BAIAP2: variants seen among roughly 807,000 people sequenced by gnomAD.
BAIAP2 encodes BAR/IMD domain containing adaptor protein 2.
BAIAP2 carries 18 observed loss-of-function variants against 63.0 expected under a neutral mutation model. The ratio of observed to expected loss-of-function variants is 0.29; its 90% confidence interval spans 0.20 to 0.42. The LOEUF is 0.42. Ranked by LOEUF, BAIAP2 falls within the 10% of genes least tolerant of loss-of-function variation. BAIAP2 has a pLI of 1.00. For missense variants in BAIAP2, 610 were observed against 734.3 expected, an observed-to-expected ratio of 0.83 and a Z score of 1.96; for synonymous variants, 386 against 307.6, an observed-to-expected ratio of 1.25 and a Z score of -2.67.
At chr17:81,105,879 G>A in intron 10 of BAIAP2, 199 bp from the exon 11 acceptor site, 1 of 548,110 alleles carries the variant, frequency 1.8e-6, no homozygotes, top group South Asian at 2.0e-5. Flanking sequence ...GGACAGCCCG[G>A]GCCACCTTGC....
intron 1 of BAIAP2, 105 bp from the exon 2 acceptor site, chr17:81,053,563 C>T: frequency 1.6e-6 from 2 of 1,259,788 alleles, no homozygotes; most frequent in East Asian, 4.7e-5. Context: ...GTGTCGACCC[C>T]CAGGAGGGGT....
chr17:81,053,167 C>T (rs768285356), intron 1 of BAIAP2, among the ~76,000 whole-genome samples: 11 of 152,148 alleles, frequency 7.2e-5, no homozygotes, highest in Non-Finnish European at 1.3e-4. Context: ...TTATTCATAG[C>T]ACGGCATCTG....
chr17:81,106,793 C>CGACCT lies in BAIAP2; in HGVS notation c.1388_1392dup (p.Ala465ThrfsTer48). On this transcript the variant is annotated frameshift_variant, in exon 12 of 14. Coordinates refer to ENST00000428708, the MANE Select transcript of BAIAP2 (RefSeq NM_001144888.2). LOFTEE classifies it high-confidence loss of function. The stretch of plus-strand genomic sequence containing the variant: ...GCACGGGCAACCTCCTGGACAAGGA[C>CGACCT]GACCTGGCCATCCCACCCCCCGATT... 1 of 1,612,560 alleles carries CGACCT rather than the reference C, an allele frequency of 6.2e-7. No homozygotes were observed.
At chr17:81,065,249 G>A (rs2051257911) in intron 3 of BAIAP2, among the ~76,000 whole-genome samples, 1 of 152,252 alleles carries the variant, frequency 6.6e-6, no homozygotes, top group African/African-American at 2.4e-5. Flanking sequence ...AAGCCTGGCA[G>A]GTGACCCGAG....
intron 3 of BAIAP2, among the ~76,000 whole-genome samples, chr17:81,060,357 C>T (rs1448584017): frequency 6.6e-6 from 1 of 152,204 alleles, no homozygotes; most frequent in Non-Finnish European, 1.5e-5. Flanking sequence ...TCCCTCATCC[C>T]CACGCTCCCA....
intron 3 of BAIAP2, among the ~76,000 whole-genome samples, chr17:81,080,194 G>A (rs1020215785): frequency 6.6e-6 from 1 of 152,242 alleles, no homozygotes; most frequent in Admixed American, 6.5e-5. Flanking sequence ...GCACCTCGGG[G>A]GTTAAGCGCT....
At chr17:81,043,108 C>T (rs1014495448) in intron 1 of BAIAP2, among the ~76,000 whole-genome samples, 4 of 152,154 alleles carry the variant, frequency 2.6e-5, no homozygotes, top group Non-Finnish European at 4.4e-5. Context: ...GTCAAATGAT[C>T]CTCCCACCTC....
rs572016080 is a variant in BAIAP2, at chr17:81,093,681, C to G, written c.490-6247C>G. Among the ~76,000 whole-genome samples, 235 of 152,236 alleles carry G rather than the reference C, an allele frequency of 1.5e-3. 1 individual carries two copies. The highest frequency in any genetic ancestry group is 5.5e-3 in the African/African-American group (230 of 41,538). ...CATTGGTGCCCCCAGGATCCCCCCTCCGGCTGCCCCCCATCTCTGGGTGTG... is the reference window on the plus strand; with the variant it reads ...CATTGGTGCCCCCAGGATCCCCCCTGCGGCTGCCCCCCATCTCTGGGTGTG... On this transcript the variant is annotated intron_variant, in intron 6 of 13. Transcript: ENST00000428708.
chr17:81,116,264 G>T lies in BAIAP2; in HGVS notation c.*425G>T, dbSNP rs1387437133. On this transcript the variant is annotated 3_prime_UTR_variant, in exon 14 of 14. Coordinates refer to ENST00000428708, the MANE Select transcript of BAIAP2 (RefSeq NM_001144888.2). ...GTCCGCCCAAGGGCCAGAAGGCCGGGAGCACGGGGATGGGAGCGCCCGCAC... is the reference window on the plus strand; with the variant it reads ...GTCCGCCCAAGGGCCAGAAGGCCGGTAGCACGGGGATGGGAGCGCCCGCAC... The T allele has an allele frequency of 2.5e-6, 4 of 1,612,766 alleles. No homozygotes were observed. The highest frequency in any genetic ancestry group is 3.4e-6 in the Non-Finnish European group (4 of 1,179,966).
rs926366231 is a variant in BAIAP2 at position 81,072,406 on chromosome 17, C to T, written c.218-12426C>T. Among the ~76,000 whole-genome samples, 5 of 152,264 alleles carry T rather than the reference C, an allele frequency of 3.3e-5. No individual in the cohort carries two copies. The East Asian group carries it at 9.6e-4, about 29-fold the overall frequency. ...TCCATGCCTTGTGGCCACCTGAGCA[C>T]TTCTCAGGGTCCAGTGGAAAACTCT... On this transcript the variant is annotated intron_variant, in intron 3 of 13. Transcript: ENST00000428708.
At chr17:81,050,461 G>A (rs1408384498) in intron 1 of BAIAP2, among the ~76,000 whole-genome samples, 6 of 152,206 alleles carry the variant, frequency 3.9e-5, no homozygotes, top group Non-Finnish European at 5.9e-5. Context: ...CATGGCCGCC[G>A]TGCTGACCCG....
chr17:81,074,605 A>G (rs1335717480), intron 3 of BAIAP2, among the ~76,000 whole-genome samples: 1 of 146,884 alleles, frequency 6.8e-6, no homozygotes, highest in Non-Finnish European at 1.5e-5. Context: ...GTGTGCGTGC[A>G]CGGATGCGTG....
intron 3 of BAIAP2, among the ~76,000 whole-genome samples, chr17:81,063,075 G>A (rs550379191): frequency 6.6e-6 from 1 of 152,256 alleles, no homozygotes; most frequent in Non-Finnish European, 1.5e-5. Flanking sequence ...GCCCACAGGA[G>A]CGGGGACCTG....
chr17:81,114,126 C>T (rs1353622364), intron 13 of BAIAP2, among the ~76,000 whole-genome samples: 3 of 148,742 alleles, frequency 2.0e-5, no homozygotes, highest in Admixed American at 1.4e-4. Flanking sequence ...CACTCTCCCG[C>T]ACCTGCCTAA....
intron 3 of BAIAP2, among the ~76,000 whole-genome samples, chr17:81,060,050 C>T (rs1181270768): frequency 1.3e-5 from 2 of 152,174 alleles, no homozygotes; most frequent in African/African-American, 2.4e-5. Flanking sequence ...CGTCTGTTTA[C>T]CTGTGGCCTT....
At chr17:81,068,356 G>A (rs891852565) in intron 3 of BAIAP2, among the ~76,000 whole-genome samples, 1 of 152,240 alleles carries the variant, frequency 6.6e-6, no homozygotes, top group Non-Finnish European at 1.5e-5. Context: ...CCTCGGGCAC[G>A]CGTGAGGAAC....
In BAIAP2 at chr17:81,108,506, G is replaced by T. The variant is rs1213098350; in HGVS notation, c.1532G>T (p.Ser511Ile). 2 of 1,613,784 alleles carry T rather than the reference G, an allele frequency of 1.2e-6. No individual in the cohort carries two copies. Among genetic ancestry groups the T allele is most frequent in the African/African-American group, 1.3e-5 (1 of 74,936 alleles). The change falls in exon 13 of 14, where the codon AGC becomes ATC. Residue 511 changes from serine to isoleucine, a missense_variant. Around this residue, in one of 5 missense-constraint regions of BAIAP2, gnomAD observed 114 missense variants for 98.2 expected, o/e 1.16. Coordinates refer to ENST00000428708, the MANE Select transcript of BAIAP2 (RefSeq NM_001144888.2). ...GLDDYGARSMSRNPFAHVQLK... is the reference protein window; with the variant it reads ...GLDDYGARSMIRNPFAHVQLK... ...GATGACTATGGAGCGCGGTCCATGA[G>T]CAGGTAAGGGGACTTTCAGACCTGT...
chr17:81,037,030 C>G (rs2046370265), intron 1 of BAIAP2: 2 of 1,347,656 alleles, frequency 1.5e-6, no homozygotes, highest in Non-Finnish European at 1.0e-6. Context: ...ACTCTCCTAA[C>G]CGGGCAGTAG....
intron 6 of BAIAP2, among the ~76,000 whole-genome samples, chr17:81,093,570 T>C (rs1451668170): frequency 6.6e-6 from 1 of 151,912 alleles, no homozygotes; most frequent in Non-Finnish European, 1.5e-5. Flanking sequence ...CCATGGGGGC[T>C]CCGTAGCACC....
Sources: gnomAD v4.1 joint callset for allele counts (sites outside exome capture counted in the v4.1 genomes callset) on GRCh38, gnomAD v4.1.1 for gene constraint, gnomAD v4.1.1 regional missense constraint, MANE v1.5 for transcripts, NCBI Gene and HGNC (gene_info 2026-07-23, HGNC 2026-07-21) for gene names.